SGCD: variants seen among roughly 807,000 people sequenced by gnomAD.
SGCD encodes delta-sarcoglycan.
A neutral mutation model predicts 36.6 loss-of-function variants in SGCD; 18 were observed. That is an observed-to-expected ratio of 0.49 (90% CI 0.34 to 0.73). SGCD has a LOEUF of 0.73. Among genes scored for constraint, SGCD ranks in the 30% least tolerant of loss-of-function variants. SGCD has a pLI of 0.01. For synonymous variants in SGCD, 133 were observed against 130.6 expected (o/e 1.02, Z -0.12); for missense variants, 387 against 346.7 (o/e 1.12, Z -0.92).
chr5:156,104,087 A>G (rs1367285270), intron 1 of SGCD, among the ~76,000 whole-genome samples: 1 of 152,144 alleles, frequency 6.6e-6, no homozygotes, highest in Non-Finnish European at 1.5e-5. Context: ...AGTATTAATT[A>G]ATAACTTTGG....
chr5:156,153,001 T>C (rs1032444112), intron 3 of SGCD, among the ~76,000 whole-genome samples: 1 of 151,580 alleles, frequency 6.6e-6, no homozygotes, highest in Non-Finnish European at 1.5e-5. Flanking sequence ...AGAAAAATAG[T>C]ATAATCTCTA....
chr5:156,738,909 C>T (rs557768342), intron 7 of SGCD, among the ~76,000 whole-genome samples: 1 of 152,312 alleles, frequency 6.6e-6, no homozygotes, highest in East Asian at 1.9e-4. Context: ...AGCAGACATC[C>T]AGCAGATGAG....
chr5:156,532,310 C>T (rs1401904379), intron 4 of SGCD, among the ~76,000 whole-genome samples: 1 of 152,054 alleles, frequency 6.6e-6, no homozygotes, highest in Non-Finnish European at 1.5e-5. Flanking sequence ...ATTGAATGAA[C>T]TACTAGATGT....
At chr5:156,563,570 T>C (rs1759356865) in intron 4 of SGCD, among the ~76,000 whole-genome samples, 1 of 152,230 alleles carries the variant, frequency 6.6e-6, no homozygotes, top group African/African-American at 2.4e-5. Flanking sequence ...GTTCTTACTG[T>C]ACACCCTCAA....
chr5:156,360,550 A>G (rs1769733601), intron 3 of SGCD, among the ~76,000 whole-genome samples: 2 of 152,020 alleles, frequency 1.3e-5, no homozygotes, highest in African/African-American at 2.4e-5. Flanking sequence ...TTTACACTGT[A>G]GTGTCCACCT....
intron 3 of SGCD, among the ~76,000 whole-genome samples, chr5:156,404,023 C>T (rs1014188284): frequency 2.0e-5 from 3 of 151,988 alleles, no homozygotes; most frequent in Admixed American, 2.0e-4. Context: ...TTAGTAGAGA[C>T]AAGGTTTCAC....
At chr5:156,325,321 A>G (rs1767778349), upstream of SGCD, among the ~76,000 whole-genome samples, 1 of 151,316 alleles carries the variant, frequency 6.6e-6, no homozygotes, top group Admixed American at 6.6e-5. Flanking sequence ...GGAGAGTACA[A>G]TTTGGCTTTT....
At chr5:156,038,926 A>T (rs779855789) in intron 1 of SGCD, among the ~76,000 whole-genome samples, 1 of 152,294 alleles carries the variant, frequency 6.6e-6, no homozygotes, top group African/African-American at 2.4e-5. Context: ...CAGGGCCTAC[A>T]AAACCCTGCT....
chr5:156,006,645 G>A (rs1025814006), intron 1 of SGCD, among the ~76,000 whole-genome samples: 7 of 152,106 alleles, frequency 4.6e-5, no homozygotes, highest in Admixed American at 2.6e-4. Flanking sequence ...ATATAAAAAC[G>A]CATTCCCAGA....
At chr5:156,604,353 A>G (rs971887861) in intron 6 of SGCD, among the ~76,000 whole-genome samples, 1 of 151,972 alleles carries the variant, frequency 6.6e-6, no homozygotes, top group Non-Finnish European at 1.5e-5. Flanking sequence ...GTCACTGTAT[A>G]TATTTTAATT....
chr5:156,122,883 A>T (rs1762080055), intron 2 of SGCD, among the ~76,000 whole-genome samples: 2 of 137,920 alleles, frequency 1.5e-5, no homozygotes, highest in South Asian at 4.7e-4. Context: ...AAAAAAAAAA[A>T]AGGTCAGCTG....
the SGCD span, among the ~76,000 whole-genome samples, chr5:155,771,444 T>TA: frequency 6.6e-6 from 1 of 151,616 alleles, no homozygotes; most frequent in Non-Finnish European, 1.5e-5. Flanking sequence ...TTTTTTTTTT[T>TA]ACAGAGTGTC....
the SGCD span, among the ~76,000 whole-genome samples, chr5:155,735,148 G>T: frequency 6.6e-6 from 1 of 152,152 alleles, no homozygotes; most frequent in African/African-American, 2.4e-5. Context: ...AATGCTAAAA[G>T]AAAAATCATC....
At chr5:156,657,065 T>C (rs1255160909) in intron 7 of SGCD, among the ~76,000 whole-genome samples, 1 of 152,176 alleles carries the variant, frequency 6.6e-6, no homozygotes, top group African/African-American at 2.4e-5. Flanking sequence ...AGGATGTCTA[T>C]AACCAACTAA....
intron 1 of SGCD, among the ~76,000 whole-genome samples, chr5:156,081,865 G>A (rs1033222387): frequency 4.6e-5 from 7 of 152,108 alleles, no homozygotes; most frequent in Non-Finnish European, 7.4e-5. Context: ...ATCACAGAGT[G>A]ATTGCCCCAC....
At chr5:156,602,490 T>A (rs1761238182) in intron 6 of SGCD, among the ~76,000 whole-genome samples, 1 of 152,190 alleles carries the variant, frequency 6.6e-6, no homozygotes. Context: ...CTTCCTGTAC[T>A]TCGTTGAATA....
chr5:156,179,535 A>G (rs1763552821), intron 3 of SGCD, among the ~76,000 whole-genome samples: 1 of 152,092 alleles, frequency 6.6e-6, no homozygotes, highest in Non-Finnish European at 1.5e-5. Flanking sequence ...AAAGCTTTCA[A>G]TGCATATTCA....
At chr5:156,006,849 T>C (rs142729061) in intron 1 of SGCD, among the ~76,000 whole-genome samples, 1 of 152,340 alleles carries the variant, frequency 6.6e-6, no homozygotes, top group Non-Finnish European at 1.5e-5. Context: ...GGAGAGTTTC[T>C]ACACATACCC....
At chr5:155,744,211 C>T in the SGCD span, among the ~76,000 whole-genome samples, 2 of 152,082 alleles carry the variant, frequency 1.3e-5, no homozygotes, top group Admixed American at 6.6e-5. Context: ...CCTGTAATCC[C>T]AGCACTTTGG....
Sources: allele counts gnomAD v4.1 joint callset (sites outside exome capture counted in the v4.1 genomes callset), GRCh38; gene constraint gnomAD v4.1.1; transcripts MANE v1.5; gene names NCBI Gene and HGNC (gene_info 2026-07-23, HGNC 2026-07-21).